MAF: variants seen among roughly 807,000 people sequenced by gnomAD.
MAF encodes MAF bZIP transcription factor, also known as transcription factor Maf.
In MAF, 10 loss-of-function variants were observed where a neutral mutation model predicts 22.0. That is an observed-to-expected ratio of 0.45 (90% CI 0.28 to 0.77). The LOEUF (loss-of-function observed/expected upper bound fraction) is 0.77. MAF is among the 30% of genes least tolerant of loss of function. The probability of loss-of-function intolerance (pLI) is 0.12; values close to 1 mark genes in which losing one functional copy is unlikely to be tolerated. For synonymous variants in MAF, 337 were observed against 255.8 expected (o/e 1.32, Z -3.03); for missense variants, 544 against 548.4 (o/e 0.99, Z 0.08).
At chr16:79,538,285 A>G in the MAF span, among the ~76,000 whole-genome samples, 1 of 152,230 alleles carries the variant, frequency 6.6e-6, no homozygotes, top group Admixed American at 6.5e-5. Context: ...AAAGCACAGT[A>G]CAAGATGCAT....
chr16:79,394,849 C>T, the MAF span, among the ~76,000 whole-genome samples: 1 of 152,146 alleles, frequency 6.6e-6, no homozygotes, highest in Non-Finnish European at 1.5e-5. Flanking sequence ...CACTGTCATA[C>T]AGTATTTAAC....
chr16:79,455,461 A>G, the MAF span, among the ~76,000 whole-genome samples: 15 of 152,210 alleles, frequency 9.9e-5, no homozygotes, highest in Admixed American at 9.8e-4. Context: ...TGGATGCTAC[A>G]TTATCTCGGG....
At chr16:79,255,064 GT>G in the MAF span, among the ~76,000 whole-genome samples, 1 of 152,180 alleles carries the variant, frequency 6.6e-6, no homozygotes, top group Non-Finnish European at 1.5e-5. Flanking sequence ...CACCGGTGCA[GT>G]TTTATGTCTC....
the MAF span, among the ~76,000 whole-genome samples, chr16:79,292,558 A>G: frequency 6.6e-6 from 1 of 152,218 alleles, no homozygotes; most frequent in African/African-American, 2.4e-5. Context: ...GAAAGAACTC[A>G]GAAGTATGTA....
At chr16:79,210,201 G>C in the MAF span, among the ~76,000 whole-genome samples, 1 of 152,142 alleles carries the variant, frequency 6.6e-6, no homozygotes, top group Admixed American at 6.5e-5. Flanking sequence ...CAACTCCATT[G>C]TTACTAGATA....
chr16:79,257,323 G>C, the MAF span, among the ~76,000 whole-genome samples: 2 of 152,092 alleles, frequency 1.3e-5, no homozygotes, highest in Admixed American at 1.3e-4. Context: ...TCATTGCAGG[G>C]AGCTAAGGTC....
chr16:79,302,953 C>T, the MAF span, among the ~76,000 whole-genome samples: 2 of 152,244 alleles, frequency 1.3e-5, no homozygotes, highest in African/African-American at 4.8e-5. Flanking sequence ...CACTCTCCAA[C>T]AAACAAAAGC....
chr16:79,375,688 C>G, the MAF span, among the ~76,000 whole-genome samples: 1 of 151,880 alleles, frequency 6.6e-6, no homozygotes, highest in East Asian at 1.9e-4. Flanking sequence ...ACAACCAAGT[C>G]AAAAAGGAAT....
chr16:79,210,625 T>TAATC, the MAF span, among the ~76,000 whole-genome samples: 1 of 152,140 alleles, frequency 6.6e-6, no homozygotes, highest in Non-Finnish European at 1.5e-5. Context: ...AACACATAAA[T>TAATC]AATCATAAGA....
chr16:79,365,048 C>T, the MAF span, among the ~76,000 whole-genome samples: 2 of 152,134 alleles, frequency 1.3e-5, no homozygotes, highest in African/African-American at 2.4e-5. Context: ...CTAGTTAGAA[C>T]TTAGTTGATG....
At chr16:79,288,417 C>G in the MAF span, among the ~76,000 whole-genome samples, 1 of 152,110 alleles carries the variant, frequency 6.6e-6, no homozygotes, top group African/African-American at 2.4e-5. Flanking sequence ...CAAGCTGCTA[C>G]GTGGGGAGGC....
At chr16:79,333,336 C>T in the MAF span, among the ~76,000 whole-genome samples, 1 of 152,162 alleles carries the variant, frequency 6.6e-6, no homozygotes, top group African/African-American at 2.4e-5. Context: ...CGGAATCCTA[C>T]TCTCTCTGCC....
the MAF span, among the ~76,000 whole-genome samples, chr16:79,513,021 G>C: frequency 6.6e-5 from 10 of 152,250 alleles, no homozygotes; most frequent in Admixed American, 6.5e-5. Context: ...TGCCCAGAGG[G>C]AGTGCCTTTT....
downstream of MAF, among the ~76,000 whole-genome samples, chr16:79,588,911 C>T (rs1440894849): frequency 1.3e-5 from 2 of 152,080 alleles, no homozygotes; most frequent in African/African-American, 4.8e-5. Flanking sequence ...CAAACATCAC[C>T]TTTTAACAGA....
the MAF span, among the ~76,000 whole-genome samples, chr16:79,552,150 G>T: frequency 6.6e-6 from 1 of 152,002 alleles, no homozygotes; most frequent in South Asian, 2.1e-4. Context: ...AACGGGAAAT[G>T]CTGGCTCTTC....
At chr16:79,460,827 G>T in the MAF span, among the ~76,000 whole-genome samples, 4 of 151,966 alleles carry the variant, frequency 2.6e-5, no homozygotes, top group African/African-American at 9.7e-5. Flanking sequence ...TTAAAGCTTT[G>T]CTTTTTATGG....
the MAF span, among the ~76,000 whole-genome samples, chr16:79,324,958 T>G: frequency 6.6e-6 from 1 of 152,108 alleles, no homozygotes; most frequent in Non-Finnish European, 1.5e-5. Flanking sequence ...TCATTGGTGC[T>G]CTGTGGCTTA....
chr16:79,406,660 G>A, the MAF span, among the ~76,000 whole-genome samples: 6 of 152,162 alleles, frequency 3.9e-5, no homozygotes, highest in African/African-American at 9.7e-5. Context: ...TTCAACATAT[G>A]GATTTGTGGG....
chr16:79,358,537 G>C, the MAF span, among the ~76,000 whole-genome samples: 2 of 152,212 alleles, frequency 1.3e-5, no homozygotes, highest in African/African-American at 4.8e-5. Context: ...GGTAGATAGA[G>C]GAGCGTGGAT....
Sources: allele counts gnomAD v4.1 joint callset (sites outside exome capture counted in the v4.1 genomes callset), GRCh38; gene constraint gnomAD v4.1.1; transcripts MANE v1.5; gene names NCBI Gene and HGNC (gene_info 2026-07-23, HGNC 2026-07-21).